Variants in ERICH1 observed in about 807,000 individuals in gnomAD.
ERICH1 encodes the protein glutamate-rich protein 1.
ERICH1 carries 56 observed loss-of-function variants against 39.6 expected under a neutral mutation model. The observed-to-expected ratio is 1.41, with a 90% CI of 1.14 to 1.77. The LOEUF (loss-of-function observed/expected upper bound fraction) is 1.77, where lower values mean the gene tolerates loss of function less well. Ranked by LOEUF, ERICH1 falls within the 40% of genes most tolerant of loss-of-function variation. The probability of loss-of-function intolerance (pLI) is 0.00; values close to 1 mark genes in which losing one functional copy is unlikely to be tolerated. For missense variants in ERICH1, 826 were observed against 575.4 expected, an observed-to-expected ratio of 1.44 and a Z score of -4.45; for synonymous variants, 313 against 223.6, an observed-to-expected ratio of 1.40 and a Z score of -3.57.
intron 3 of ERICH1, among the ~76,000 whole-genome samples, chr8:652,572 T>C (rs1225948924): frequency 6.6e-6 from 1 of 152,228 alleles, no homozygotes; most frequent in Non-Finnish European, 1.5e-5. Flanking sequence ...TGTCCTGTTC[T>C]GCTGATAATT....
chr8:668,896 C>T, intron 4 of ERICH1, 104 bp from the exon 5 acceptor site: 1 of 987,834 alleles, frequency 1.0e-6, no homozygotes. Context: ...TACGCTTCCA[C>T]ACAGAATGAC....
At chr8:669,973 C>T (rs1008685760) in intron 4 of ERICH1, among the ~76,000 whole-genome samples, 2 of 152,116 alleles carry the variant, frequency 1.3e-5, no homozygotes, top group Non-Finnish European at 2.9e-5. Context: ...TCCGTCCTGC[C>T]CCCGCTCCGT....
chr8:634,180 A>AAAAAACAAAC, intron 3 of ERICH1, among the ~76,000 whole-genome samples: 1 of 91,258 alleles, frequency 1.1e-5, no homozygotes, highest in Non-Finnish European at 2.5e-5. Context: ...AAAAAAAAAA[A>AAAAAACAAAC]AAAAAACAAA....
chr8:650,591 C>G (rs1799818465), intron 3 of ERICH1, among the ~76,000 whole-genome samples: 1 of 152,186 alleles, frequency 6.6e-6, no homozygotes, highest in African/African-American at 2.4e-5. Context: ...GCCAGCCTGA[C>G]CAGGGAGGAA....
At chr8:684,117 T>G (rs1407710479) in intron 3 of ERICH1, among the ~76,000 whole-genome samples, 1 of 152,228 alleles carries the variant, frequency 6.6e-6, no homozygotes, top group Non-Finnish European at 1.5e-5. Flanking sequence ...AGTCATTTTC[T>G]ATAACTTTCC....
chr8:725,128 A>G (rs1818286467), intron 1 of ERICH1: 1 of 161,582 alleles, frequency 6.2e-6, no homozygotes, highest in Non-Finnish European at 1.3e-5. Context: ...TGTCCCCTCC[A>G]GCCTCCGTGC....
At chr8:654,965 C>T (rs1317185150) in intron 3 of ERICH1, among the ~76,000 whole-genome samples, 1 of 152,222 alleles carries the variant, frequency 6.6e-6, no homozygotes, top group Non-Finnish European at 1.5e-5. Flanking sequence ...TGGACGCCAG[C>T]CCCCTGGGGA....
intron 4 of ERICH1, among the ~76,000 whole-genome samples, chr8:671,484 C>A (rs1371840354): frequency 6.9e-6 from 1 of 144,074 alleles, no homozygotes; most frequent in Non-Finnish European, 1.5e-5. Flanking sequence ...TCTGAACGTG[C>A]CAGCCCCGGT....
intron 1 of ERICH1, among the ~76,000 whole-genome samples, chr8:720,491 A>C (rs1318400766): frequency 6.6e-6 from 1 of 152,204 alleles, no homozygotes; most frequent in Non-Finnish European, 1.5e-5. Context: ...TCTTAAGCAA[A>C]CAATACAATT....
chr8:677,487 C>T (rs964199920), intron 3 of ERICH1, among the ~76,000 whole-genome samples: 10 of 152,218 alleles, frequency 6.6e-5, no homozygotes, highest in South Asian at 2.1e-4. Context: ...ACCTTCATCT[C>T]GCTCCTCACT....
chr8:621,499 A>AT (rs920205099), intron 3 of ERICH1, among the ~76,000 whole-genome samples: 3 of 151,736 alleles, frequency 2.0e-5, no homozygotes, highest in Non-Finnish European at 4.4e-5. Flanking sequence ...GTTAATAAAA[A>AT]TTTTTTAAAT....
At chr8:696,786 G>A (rs1810387123) in intron 2 of ERICH1, among the ~76,000 whole-genome samples, 1 of 94,218 alleles carries the variant, frequency 1.1e-5, no homozygotes, top group East Asian at 3.4e-4. Context: ...GCCTGCGCTC[G>A]CTCCTCTCAC....
intron 3 of ERICH1, among the ~76,000 whole-genome samples, chr8:658,505 C>A (rs1800957537): frequency 6.6e-6 from 1 of 152,228 alleles, no homozygotes; most frequent in Non-Finnish European, 1.5e-5. Flanking sequence ...ATCCCCGAGG[C>A]ACAGTTCTCT....
rs11998200 is a variant in ERICH1, at chr8:712,975, G to A, written c.169+2886C>T. Reference sequence around the variant, plus strand: ...CACTACAAAGCCCCACAGACTGGGCGAAGTCAACAACAGACATTTGTTCTC... The same window carrying A: ...CACTACAAAGCCCCACAGACTGGGCAAAGTCAACAACAGACATTTGTTCTC... On this transcript the variant is annotated intron_variant, in intron 2 of 5. Coordinates refer to ENST00000262109, the MANE Select transcript of ERICH1 (RefSeq NM_207332.3). Among the ~76,000 whole-genome samples, 693 of 152,354 alleles carry A rather than the reference G, an allele frequency of 4.5e-3. 5 individuals carry two copies. Among genetic ancestry groups the A allele is most frequent in the African/African-American group, 0.016 (649 of 41,578 alleles).
At chr8:661,594 G>A (rs997035826), downstream of ERICH1, among the ~76,000 whole-genome samples, 10 of 152,166 alleles carry the variant, frequency 6.6e-5, no homozygotes, top group Middle Eastern at 3.2e-3. Flanking sequence ...TTGCACTATT[G>A]TAGAAGATAA....
intron 3 of ERICH1, among the ~76,000 whole-genome samples, chr8:689,563 G>A (rs370028612): frequency 3.2e-4 from 49 of 152,226 alleles, no homozygotes; most frequent in Middle Eastern, 3.2e-3. Context: ...GCAGGAAGGT[G>A]CACCACCATG....
At chr8:665,320 C>G (rs988150194) in intron 5 of ERICH1, among the ~76,000 whole-genome samples, 3 of 152,240 alleles carry the variant, frequency 2.0e-5, no homozygotes, top group African/African-American at 7.2e-5. Context: ...CCCGCCGGCC[C>G]TGGCTCTAAC....
rs1804859398 is a variant in ERICH1, at chr8:676,553, T to TGC, written c.305-2508_305-2507dup. Reference sequence around the variant, plus strand: ...CGTGAGGACAGAGGCACACTACCCGTGCTGCTGCTCCCTGACAGAAGGGTA... The same window carrying TGC: ...CGTGAGGACAGAGGCACACTACCCGTGCGCTGCTGCTCCCTGACAGAAGGGTA... On this transcript the variant is annotated intron_variant, in intron 3 of 5. Transcript: ENST00000262109. 4.0e-5 allele frequency among the ~76,000 whole-genome samples: 6 copies of TGC among 150,524 alleles called. No homozygotes were observed. The South Asian group carries it at 1.3e-3, about 32-fold the overall frequency.
chr8:628,463 G>A (rs1169079634), intron 3 of ERICH1, among the ~76,000 whole-genome samples: 2 of 152,242 alleles, frequency 1.3e-5, no homozygotes, highest in Non-Finnish European at 2.9e-5. Context: ...CTACTCCCCT[G>A]CAGAGGGCAT....
Sources: allele counts gnomAD v4.1 joint callset (sites outside exome capture counted in the v4.1 genomes callset), GRCh38; gene constraint gnomAD v4.1.1; transcripts MANE v1.5; gene names NCBI Gene and HGNC (gene_info 2026-07-23, HGNC 2026-07-21).